The following FBXL17 variants were observed in gnomAD, a reference collection of about 807,000 sequenced individuals.
FBXL17 encodes the protein F-box/LRR-repeat protein 17.
A neutral mutation model predicts 66.2 loss-of-function variants in FBXL17; 22 were observed. The observed-to-expected ratio is 0.33, with a 90% CI of 0.24 to 0.47. The LOEUF (loss-of-function observed/expected upper bound fraction) is 0.47. Among genes scored for constraint, FBXL17 ranks in the 20% least tolerant of loss-of-function variants. FBXL17 has a pLI of 1.00. For synonymous variants in FBXL17, 474 were observed against 400.5 expected (o/e 1.18, Z -2.19); for missense variants, 878 against 948.2 (o/e 0.93, Z 0.97).
chr5:108,033,216 T>A (rs1746709326), intron 6 of FBXL17, among the ~76,000 whole-genome samples: 1 of 152,192 alleles, frequency 6.6e-6, no homozygotes, highest in South Asian at 2.1e-4. Flanking sequence ...ATCTCTTTAT[T>A]CATCCCTGTA....
intron 5 of FBXL17, among the ~76,000 whole-genome samples, chr5:108,222,144 C>A (rs1390402935): frequency 6.6e-6 from 1 of 152,186 alleles, no homozygotes; most frequent in East Asian, 1.9e-4. Context: ...TGTTTTATCA[C>A]AGAGAATAAT....
chr5:108,285,121 A>G (rs1200296450), intron 4 of FBXL17, among the ~76,000 whole-genome samples: 1 of 151,934 alleles, frequency 6.6e-6, no homozygotes, highest in Non-Finnish European at 1.5e-5. Context: ...TTGCATATCC[A>G]TAAGAAGTTT....
chr5:108,305,891 T>C (rs865807888), intron 4 of FBXL17, among the ~76,000 whole-genome samples: 1 of 152,206 alleles, frequency 6.6e-6, no homozygotes. Flanking sequence ...TTTACCCTTA[T>C]TGTATGATAC....
chr5:107,980,903 C>T (rs1752798473), intron 7 of FBXL17, among the ~76,000 whole-genome samples: 1 of 151,588 alleles, frequency 6.6e-6, no homozygotes, highest in South Asian at 2.1e-4. Flanking sequence ...CTCGGCCTCC[C>T]AAAGTGCTGG....
chr5:108,252,934 G>C (rs1756419228), intron 4 of FBXL17, among the ~76,000 whole-genome samples: 1 of 152,142 alleles, frequency 6.6e-6, no homozygotes, highest in South Asian at 2.1e-4. Context: ...CTTAGAAAAG[G>C]CTGATGTGAA....
intron 7 of FBXL17, among the ~76,000 whole-genome samples, chr5:107,922,958 G>A (rs1346571131): frequency 6.6e-6 from 1 of 152,194 alleles, no homozygotes; most frequent in Non-Finnish European, 1.5e-5. Context: ...TGGAACAGGT[G>A]TTTCTGTCTA....
chr5:108,381,372 A>G lies in FBXL17; in HGVS notation c.320T>C (p.Leu107Pro), dbSNP rs1749901888. ...AGCAGCGGCGCAGTCCTCGGCGGCC[A>G]GGGCCGCGTAGCGCCGCGCCAGGTG... ...SQHLARRYAALAAEDCAAAAR... is the reference protein window; with the variant it reads ...SQHLARRYAAPAAEDCAAAAR... Residue 107 changes from leucine (L) to proline (P), a missense_variant, in exon 1 of 9, where the codon CTG (leucine) becomes CCG (proline). Coordinates refer to ENST00000542267, the MANE Select transcript of FBXL17 (RefSeq NM_001163315.3). 1 of 1,329,496 alleles carries G rather than the reference A, an allele frequency of 7.5e-7. No homozygotes were observed. Among genetic ancestry groups the G allele is most frequent in the Non-Finnish European group, 9.5e-7 (1 of 1,049,184 alleles). 82.4% of individuals were successfully genotyped at this position (1,329,496 alleles called of 1,614,324 possible).
chr5:108,123,355 G>A lies in FBXL17; in HGVS notation c.1745+62762C>T, dbSNP rs114985534. 5.3e-3 allele frequency among the ~76,000 whole-genome samples: 800 copies of A among 152,094 alleles called. 6 individuals are homozygous for A. Among genetic ancestry groups the A allele is most frequent in the African/African-American group, 0.018 (764 of 41,468 alleles). On this transcript the variant is annotated intron_variant, in intron 6 of 8. Coordinates refer to ENST00000542267, the MANE Select transcript of FBXL17 (RefSeq NM_001163315.3). The stretch of plus-strand genomic sequence containing the variant: ...GCAAAGCTCTTGAAAGCAAGATCGA[G>A]CAACTCTTAAAATAATTGAGAGAAA...
At chr5:108,160,501 A>C (rs915271659) in intron 6 of FBXL17, among the ~76,000 whole-genome samples, 1 of 152,218 alleles carries the variant, frequency 6.6e-6, no homozygotes, top group Non-Finnish European at 1.5e-5. Flanking sequence ...ATATAGAGTG[A>C]ACTGGGTTGG....
intron 7 of FBXL17, among the ~76,000 whole-genome samples, chr5:107,904,896 C>T (rs543818698): frequency 6.3e-4 from 96 of 151,988 alleles, no homozygotes; most frequent in African/African-American, 2.1e-3. Flanking sequence ...CCCAATTTTG[C>T]GGCAGGACCT....
At chr5:108,214,203 A>C (rs1754497346) in intron 5 of FBXL17, among the ~76,000 whole-genome samples, 2 of 152,202 alleles carry the variant, frequency 1.3e-5, no homozygotes, top group African/African-American at 2.4e-5. Context: ...GCTAAGAAAA[A>C]TCATAGCATA....
chr5:108,289,644 G>C (rs1242493380), intron 4 of FBXL17, among the ~76,000 whole-genome samples: 1 of 152,100 alleles, frequency 6.6e-6, no homozygotes, highest in African/African-American at 2.4e-5. Context: ...GAGGAAACAG[G>C]CAAATGCTGC....
intron 7 of FBXL17, among the ~76,000 whole-genome samples, chr5:108,018,591 G>A (rs1289335054): frequency 2.6e-5 from 4 of 152,060 alleles, no homozygotes; most frequent in Admixed American, 2.6e-4. Flanking sequence ...CCAACATTTT[G>A]GAGAACAGAA....
chr5:107,949,980 A>G (rs1395684013), intron 7 of FBXL17, among the ~76,000 whole-genome samples: 1 of 152,178 alleles, frequency 6.6e-6, no homozygotes, highest in African/African-American at 2.4e-5. Context: ...TTTCCATCTC[A>G]CATAACTTTC....
rs1338764662 is a variant in FBXL17, at chr5:107,860,051, T to C, written c.*1669A>G. The C allele has an allele frequency of 6.6e-6, 1 of 152,204 alleles. No individual in the cohort carries two copies. Among genetic ancestry groups the C allele is most frequent in the Non-Finnish European group, 1.5e-5 (1 of 68,020 alleles). 9.4% of individuals were successfully genotyped at this position (152,204 alleles called of 1,614,324 possible). A position where few individuals can be genotyped will look rare whatever the true frequency, so the allele number is the denominator to read the frequency against. ...ATACTCATGGCGCTTACTGACTAGATTTTCCTAACCGATTGGGATTAAAAC... is the reference window on the plus strand; with the variant it reads ...ATACTCATGGCGCTTACTGACTAGACTTTCCTAACCGATTGGGATTAAAAC... On this transcript the variant is annotated 3_prime_UTR_variant, in exon 9 of 9. Coordinates refer to ENST00000542267, the MANE Select transcript of FBXL17 (RefSeq NM_001163315.3).
intron 4 of FBXL17, among the ~76,000 whole-genome samples, chr5:108,249,217 C>G (rs1224268268): frequency 6.6e-6 from 1 of 152,030 alleles, no homozygotes; most frequent in Non-Finnish European, 1.5e-5. Context: ...CTGTCTAACC[C>G]TCTGACCCTG....
At chr5:108,204,871 A>T (rs568032451) in intron 5 of FBXL17, among the ~76,000 whole-genome samples, 1 of 152,036 alleles carries the variant, frequency 6.6e-6, no homozygotes, top group Non-Finnish European at 1.5e-5. Context: ...GGTATAATAA[A>T]CCTTCATGTC....
At chr5:108,255,009 A>G (rs894330027) in intron 4 of FBXL17, among the ~76,000 whole-genome samples, 1 of 152,210 alleles carries the variant, frequency 6.6e-6, no homozygotes, top group African/African-American at 2.4e-5. Flanking sequence ...GTGAGTGTAC[A>G]AAGGGCTCAT....
intron 6 of FBXL17, among the ~76,000 whole-genome samples, chr5:108,103,272 T>C (rs1225863521): frequency 6.6e-6 from 1 of 152,242 alleles, no homozygotes; most frequent in Admixed American, 6.5e-5. Context: ...TATTCAGTAA[T>C]GCAACTTCTA....
Sources: gnomAD v4.1 joint callset for allele counts (sites outside exome capture counted in the v4.1 genomes callset) on GRCh38, gnomAD v4.1.1 for gene constraint, MANE v1.5 for transcripts, NCBI Gene and HGNC (gene_info 2026-07-23, HGNC 2026-07-21) for gene names.